The following BACE2 variants were observed in gnomAD, a reference collection of about 807,000 sequenced individuals.
The protein encoded by BACE2 is beta-secretase 2, also known as 56 kDa aspartic-like protease.
Under a neutral mutation model 46.2 loss-of-function variants are expected in BACE2, and 17 were observed. The ratio of observed to expected loss-of-function variants is 0.37; its 90% CI spans 0.25 to 0.55. The LOEUF is 0.55. Ranked by LOEUF, BACE2 falls within the 20% of genes least tolerant of loss-of-function variation. The probability of loss-of-function intolerance (pLI) is 0.82; values close to 1 mark genes in which losing one functional copy is unlikely to be tolerated. For synonymous variants in BACE2, 277 were observed against 295.9 expected (o/e 0.94, Z 0.66); for missense variants, 595 against 698.1 (o/e 0.85, Z 1.66).
chr21:41,174,481 TC>T (rs1008703810), intron 1 of BACE2, among the ~76,000 whole-genome samples: 3 of 152,090 alleles, frequency 2.0e-5, no homozygotes, highest in Non-Finnish European at 4.4e-5. Context: ...GCTGCATTGC[TC>T]CCAGGGGTGG....
rs376174038 is a variant in BACE2, at chr21:41,212,343, C to T, written c.313-13923C>T. On this transcript the variant is annotated intron_variant, in intron 1 of 8. Transcript: ENST00000330333. Reference sequence around the variant, plus strand: ...GGCCCCACACTCATGATCTAATTGCCTCCCAAAGGCCTTGCCTCCTAATAT... The same window carrying T: ...GGCCCCACACTCATGATCTAATTGCTTCCCAAAGGCCTTGCCTCCTAATAT... Among the ~76,000 whole-genome samples the T allele has an allele frequency of 7.5e-4, 114 of 152,326 alleles. 3 individuals carry two copies. The South Asian group carries it at 0.017, about 23-fold the overall frequency.
chr21:41,238,809 G>T (rs369208728), intron 3 of BACE2, among the ~76,000 whole-genome samples: 208 of 109,730 alleles, frequency 1.9e-3, no homozygotes, highest in Middle Eastern at 0.011. Context: ...GTGGTGGGGT[G>T]GGGGGAGGGG....
At chr21:41,237,307 G>C (rs181875168) in intron 2 of BACE2, among the ~76,000 whole-genome samples, 1 of 152,096 alleles carries the variant, frequency 6.6e-6, no homozygotes, top group African/African-American at 2.4e-5. Flanking sequence ...TTAGCTGGGC[G>C]TGGTGATGTG....
chr21:41,248,425 C>T (rs796897298), intron 6 of BACE2, among the ~76,000 whole-genome samples: 44 of 152,258 alleles, frequency 2.9e-4, no homozygotes, highest in African/African-American at 1.0e-3. Flanking sequence ...GTCCACCTGC[C>T]GTTGGAGCTG....
intron 1 of BACE2, among the ~76,000 whole-genome samples, chr21:41,219,890 G>T (rs943416296): frequency 1.3e-5 from 2 of 152,340 alleles, no homozygotes; most frequent in South Asian, 4.1e-4. Context: ...ACAGACACCA[G>T]CTGCGTATCC....
At chr21:41,237,405 C>A in intron 2 of BACE2, 108 bp from the exon 3 acceptor site, 10 of 764,304 alleles carry the variant, frequency 1.3e-5, no homozygotes, top group Non-Finnish European at 1.9e-5. Flanking sequence ...AAGATCCCGC[C>A]ACTGCACTCC....
intron 1 of BACE2, among the ~76,000 whole-genome samples, chr21:41,203,914 C>A (rs1015746364): frequency 1.3e-5 from 2 of 152,182 alleles, no homozygotes; most frequent in Admixed American, 6.5e-5. Context: ...GAGAGAAGAG[C>A]TGTTTTTGGG....
At chr21:41,172,131 G>GA (rs1000053781) in intron 1 of BACE2, among the ~76,000 whole-genome samples, 4 of 152,296 alleles carry the variant, frequency 2.6e-5, no homozygotes, top group African/African-American at 9.6e-5. Flanking sequence ...AAGACAATGA[G>GA]AAAAAACAAT....
chr21:41,274,234 A>G (rs1033772021), intron 8 of BACE2, among the ~76,000 whole-genome samples: 1 of 152,138 alleles, frequency 6.6e-6, no homozygotes, highest in Admixed American at 6.5e-5. Flanking sequence ...GGAAAGCCAT[A>G]TTATGACAGA....
At chr21:41,232,025 T>C (rs924167028) in intron 2 of BACE2, among the ~76,000 whole-genome samples, 2 of 152,060 alleles carry the variant, frequency 1.3e-5, no homozygotes, top group Non-Finnish European at 2.9e-5. Context: ...ATTACCTTTT[T>C]TTTTTTTTTT....
At chr21:41,245,921 A>G (rs1293156009) in intron 5 of BACE2, 41 bp from the exon 6 acceptor site, 1 of 1,504,000 alleles carries the variant, frequency 6.6e-7, no homozygotes, top group Non-Finnish European at 9.1e-7. Flanking sequence ...GGGGAGCGCC[A>G]CTGTCACTCA....
At chr21:41,227,486 G>A (rs1400025834) in intron 2 of BACE2, among the ~76,000 whole-genome samples, 1 of 152,206 alleles carries the variant, frequency 6.6e-6, no homozygotes, top group African/African-American at 2.4e-5. Context: ...CAGATGATTT[G>A]CTGTGTATGA....
chr21:41,214,835 A>G (rs1041576687), intron 1 of BACE2, among the ~76,000 whole-genome samples: 1 of 152,126 alleles, frequency 6.6e-6, no homozygotes, highest in Non-Finnish European at 1.5e-5. Flanking sequence ...TGGGGACATT[A>G]TCTGGAGAAG....
At chr21:41,265,981 C>T (rs184725209) in intron 8 of BACE2, among the ~76,000 whole-genome samples, 2 of 152,188 alleles carry the variant, frequency 1.3e-5, no homozygotes, top group East Asian at 3.9e-4. Flanking sequence ...ATTGTTATAA[C>T]ATTTATCAAA....
At chr21:41,199,349 A>C (rs940718960) in intron 1 of BACE2, among the ~76,000 whole-genome samples, 2 of 151,438 alleles carry the variant, frequency 1.3e-5, no homozygotes, top group Admixed American at 1.3e-4. Context: ...AGCCCCAGGG[A>C]GGAGGGGAAG....
chr21:41,184,602 T>C (rs1601247349), intron 1 of BACE2: 1 of 167,082 alleles, frequency 6.0e-6, no homozygotes, highest in East Asian at 1.9e-4. Context: ...GGTGTACTGG[T>C]TGGGCTCATT....
intron 1 of BACE2, chr21:41,179,475 G>A (rs370565204): frequency 1.2e-5 from 16 of 1,313,348 alleles, no homozygotes; most frequent in Admixed American, 2.1e-5. Context: ...GGTGCAGAGT[G>A]AGGTGTCCAG....
intron 1 of BACE2, among the ~76,000 whole-genome samples, chr21:41,221,945 C>T (rs554340754): frequency 2.0e-5 from 3 of 152,224 alleles, no homozygotes; most frequent in African/African-American, 7.2e-5. Flanking sequence ...GGAGGCTTCA[C>T]GCTGGTGGGG....
chr21:41,250,816 C>T lies in BACE2; in HGVS notation c.1049C>T (p.Thr350Ile), dbSNP rs747546417. Reference protein sequence around the residue: ...SQLACWTNSETPWSYFPKISI... With the variant: ...SQLACWTNSEIPWSYFPKISI... ...CTGGCGTGCTGGACGAATTCGGAAA[C>T]ACCTTGGTCTTACTTCCCTAAAATC... The change falls in exon 7 of 9, where the codon ACA becomes ATA. Residue 350 changes from threonine (T) to isoleucine (I), a missense_variant. Transcript: ENST00000330333. The T allele has an allele frequency of 6.2e-7, 1 of 1,614,180 alleles. No individual in the cohort carries two copies. The highest frequency in any genetic ancestry group is 1.7e-5 in the Admixed American group (1 of 60,026).
Sources: gnomAD v4.1 joint callset for allele counts (sites outside exome capture counted in the v4.1 genomes callset) on GRCh38, gnomAD v4.1.1 for gene constraint, MANE v1.5 for transcripts, NCBI Gene and HGNC (gene_info 2026-07-23, HGNC 2026-07-21) for gene names.